Variants in FBXW7 observed in about 807,000 individuals in gnomAD.
FBXW7 encodes F-box and WD repeat domain containing 7.
In FBXW7, 11 loss-of-function variants were observed where a neutral mutation model predicts 86.3. The ratio of observed to expected loss-of-function variants is 0.13; its 90% CI spans 0.08 to 0.21. The LOEUF (loss-of-function observed/expected upper bound fraction) is 0.21. Among genes scored for constraint, FBXW7 ranks in the 10% least tolerant of loss-of-function variants. The pLI, the probability that FBXW7 is intolerant of heterozygous loss-of-function variation, is 1.00. For synonymous variants in FBXW7, 313 were observed against 297.9 expected, an observed-to-expected ratio of 1.05 and a Z score of -0.52; for missense variants, 488 against 847.4, an observed-to-expected ratio of 0.58 and a Z score of 5.27.
At chr4:152,404,315 TAA>T (rs1250554067) in intron 4 of FBXW7, among the ~76,000 whole-genome samples, 1 of 152,220 alleles carries the variant, frequency 6.6e-6, no homozygotes, top group African/African-American at 2.4e-5. Context: ...ATTTTTCAAA[TAA>T]AGAGGCATAT....
chr4:152,353,041 C>T, intron 4 of FBXW7: 3 of 1,163,050 alleles, frequency 2.6e-6, no homozygotes, highest in Non-Finnish European at 3.2e-6. Context: ...TTCAAACTTT[C>T]AAGAGGTTAT....
chr4:152,376,940 GA>G (rs557762830), intron 4 of FBXW7, among the ~76,000 whole-genome samples: 47 of 145,512 alleles, frequency 3.2e-4, no homozygotes, highest in Admixed American at 1.3e-3. Context: ...AACTAAAAAG[GA>G]AAAAAAAAAC....
intron 11 of FBXW7, among the ~76,000 whole-genome samples, chr4:152,326,668 T>C (rs1326282536): frequency 6.6e-6 from 1 of 152,136 alleles, no homozygotes; most frequent in East Asian, 1.9e-4. Flanking sequence ...AATTTAAATT[T>C]TCTTTATGTT....
chr4:152,392,512 C>A (rs1311960302), intron 4 of FBXW7, among the ~76,000 whole-genome samples: 2 of 151,802 alleles, frequency 1.3e-5, no homozygotes, highest in African/African-American at 4.8e-5. Flanking sequence ...CTGTTCTAGA[C>A]CCCCACTTTT....
chr4:152,336,116 T>G (rs1730069206), intron 7 of FBXW7, among the ~76,000 whole-genome samples: 1 of 152,112 alleles, frequency 6.6e-6, no homozygotes, highest in Non-Finnish European at 1.5e-5. Context: ...CAATAAAGCA[T>G]TTTTCAAAAT....
chr4:152,359,445 GA>G (rs1053132654), intron 4 of FBXW7, among the ~76,000 whole-genome samples: 1 of 151,336 alleles, frequency 6.6e-6, no homozygotes, highest in Non-Finnish European at 1.5e-5. Flanking sequence ...TATAAATAAT[GA>G]AAAAAAATTA....
chr4:152,322,052 A>G lies in FBXW7; in HGVS notation c.*829T>C, dbSNP rs1447365334. The G allele has an allele frequency of 1.3e-5, 3 of 232,948 alleles. No individual in the cohort carries two copies. The highest frequency in any genetic ancestry group is 1.2e-3 in the Middle Eastern group (1 of 806). The allele number at this position is 232,948 out of a possible 1,614,324, so 14.4% of individuals were successfully genotyped here. A position where few individuals can be genotyped will look rare whatever the true frequency, so the allele number is the denominator to read the frequency against. On this transcript the variant is annotated 3_prime_UTR_variant, in exon 14 of 14. Transcript: ENST00000281708. ...AAAACGTCACAGCAGAAAAAAAATA[A>G]AAAAAAATAATTTGCTTTTTTCTTT... is the stretch of plus-strand genomic sequence containing the variant.
chr4:152,426,274 T>A (rs1009874441), intron 2 of FBXW7, among the ~76,000 whole-genome samples: 1 of 151,948 alleles, frequency 6.6e-6, no homozygotes, highest in East Asian at 1.9e-4. Flanking sequence ...AGGTCTAGTA[T>A]ATATCTAGTT....
At chr4:152,523,905 A>T (rs1749255989) in intron 2 of FBXW7, among the ~76,000 whole-genome samples, 1 of 152,230 alleles carries the variant, frequency 6.6e-6, no homozygotes, top group South Asian at 2.1e-4. Context: ...AATTCCTGGC[A>T]TAGTAGGTGT....
chr4:152,479,109 G>C (rs756006846), intron 2 of FBXW7, among the ~76,000 whole-genome samples: 6 of 152,102 alleles, frequency 3.9e-5, no homozygotes, highest in Non-Finnish European at 8.8e-5. Flanking sequence ...GATAGTGAAT[G>C]TCCTTCCAAG....
intron 4 of FBXW7, chr4:152,352,696 C>T (rs2126664070): frequency 6.2e-7 from 1 of 1,613,876 alleles, no homozygotes; most frequent in Non-Finnish European, 8.5e-7. Context: ...AAGGCAAATG[C>T]AGCTCAGTAT....
intron 4 of FBXW7, among the ~76,000 whole-genome samples, chr4:152,387,471 T>C (rs1353264563): frequency 2.0e-5 from 3 of 152,118 alleles, no homozygotes; most frequent in African/African-American, 7.2e-5. Context: ...AGTATTTCCC[T>C]ACCAAGCAAT....
At chr4:152,355,580 A>G (rs1001272536) in intron 4 of FBXW7, among the ~76,000 whole-genome samples, 1 of 152,174 alleles carries the variant, frequency 6.6e-6, no homozygotes, top group Non-Finnish European at 1.5e-5. Flanking sequence ...ATGGAATTTC[A>G]GCTAGGCACT....
intron 2 of FBXW7, among the ~76,000 whole-genome samples, chr4:152,468,253 A>G (rs992761643): frequency 6.6e-6 from 1 of 152,166 alleles, no homozygotes; most frequent in African/African-American, 2.4e-5. Context: ...CACAGGTACT[A>G]TATTATCGAG....
At chr4:152,497,321 CAAAAAA>C (rs55764450) in intron 2 of FBXW7, among the ~76,000 whole-genome samples, 1 of 51,662 alleles carries the variant, frequency 1.9e-5, no homozygotes, top group Non-Finnish European at 3.3e-5. Flanking sequence ...GACTCCATCT[CAAAAAA>C]AAAAAAAAAA....
chr4:152,355,626 T>C (rs1732297638), intron 4 of FBXW7, among the ~76,000 whole-genome samples: 1 of 152,156 alleles, frequency 6.6e-6, no homozygotes, highest in African/African-American at 2.4e-5. Flanking sequence ...AATTCTTGTG[T>C]TGACTGACAA....
intron 2 of FBXW7, among the ~76,000 whole-genome samples, chr4:152,519,618 TA>T (rs1748823533): frequency 6.6e-6 from 1 of 152,200 alleles, no homozygotes; most frequent in South Asian, 2.1e-4. Context: ...AGAGCAAGAC[TA>T]AAAAATGAGG....
intron 2 of FBXW7, among the ~76,000 whole-genome samples, chr4:152,485,511 G>GGAA (rs3047829): frequency 0.47 from 71,669 of 151,678 alleles, 20,084 homozygotes; most frequent in African/African-American, 0.78. Flanking sequence ...TCTTCATTAT[G>GGAA]GAAGAGGAAT....
At chr4:152,439,961 C>T (rs986118645) in intron 2 of FBXW7, among the ~76,000 whole-genome samples, 1 of 151,582 alleles carries the variant, frequency 6.6e-6, no homozygotes, top group Non-Finnish European at 1.5e-5. Context: ...GTAAACCAAT[C>T]TGCACTAAAA....
Sources: gnomAD v4.1 joint callset for allele counts (sites outside exome capture counted in the v4.1 genomes callset) on GRCh38, gnomAD v4.1.1 for gene constraint, MANE v1.5 for transcripts, NCBI Gene and HGNC (gene_info 2026-07-23, HGNC 2026-07-21) for gene names.